PATJ: variants seen among roughly 807,000 people sequenced by gnomAD.
The protein encoded by PATJ is inaD-like protein.
Under a neutral mutation model 224.9 loss-of-function variants are expected in PATJ, and 190 were observed. The observed-to-expected ratio is 0.84, with a 90% confidence interval of 0.75 to 0.95. The LOEUF is 0.95. PATJ is among the 40% of genes least tolerant of loss of function. PATJ has a pLI of 0.00. For synonymous variants in PATJ, 769 were observed against 820.3 expected (o/e 0.94, Z 1.07); for missense variants, 2,121 against 2,270.3 (o/e 0.93, Z 1.34).
chr1:61,895,423 C>T (rs1001092288), intron 22 of PATJ, among the ~76,000 whole-genome samples: 6 of 152,254 alleles, frequency 3.9e-5, no homozygotes, highest in South Asian at 2.1e-4. Flanking sequence ...GGCCCTGCTA[C>T]TCTCTGCAGC....
intron 27 of PATJ, among the ~76,000 whole-genome samples, chr1:61,938,381 T>TA (rs199684165): frequency 1.3e-4 from 20 of 148,730 alleles, no homozygotes; most frequent in Non-Finnish European, 1.3e-4. Flanking sequence ...GTGGGGTGTT[T>TA]AAAAAAAAAA....
chr1:61,924,119 C>G (rs1436357306), intron 26 of PATJ, among the ~76,000 whole-genome samples: 1 of 151,898 alleles, frequency 6.6e-6, no homozygotes, highest in Admixed American at 6.6e-5. Flanking sequence ...GCCTGTAATC[C>G]CAGCACTTTG....
chr1:61,815,307 A>T (rs775753990), intron 14 of PATJ, among the ~76,000 whole-genome samples: 3 of 152,192 alleles, frequency 2.0e-5, no homozygotes, highest in Non-Finnish European at 4.4e-5. Context: ...TTGTTAAATG[A>T]TGCTGCAGAG....
chr1:62,016,402 A>C (rs943623720), intron 28 of PATJ, among the ~76,000 whole-genome samples: 4 of 152,234 alleles, frequency 2.6e-5, no homozygotes, highest in Non-Finnish European at 4.4e-5. Context: ...TTAGATGCTA[A>C]TTGCAATTCC....
intron 24 of PATJ, among the ~76,000 whole-genome samples, chr1:61,904,469 G>T (rs1308658097): frequency 6.6e-6 from 1 of 152,154 alleles, no homozygotes; most frequent in Non-Finnish European, 1.5e-5. Flanking sequence ...ATTGATTTGT[G>T]TGTGTGTTTG....
intron 31 of PATJ, among the ~76,000 whole-genome samples, chr1:62,061,011 T>C (rs954813886): frequency 4.0e-5 from 6 of 151,288 alleles, no homozygotes; most frequent in African/African-American, 1.5e-4. Flanking sequence ...TTATTTTAGA[T>C]ACAGGGGGTA....
chr1:61,773,997 G>A (rs555050300), intron 6 of PATJ, among the ~76,000 whole-genome samples: 5 of 151,458 alleles, frequency 3.3e-5, no homozygotes, highest in African/African-American at 1.2e-4. Flanking sequence ...GCAGGTACCT[G>A]TAGTCCCAGC....
chr1:61,797,617 A>G (rs1374707028), intron 11 of PATJ, among the ~76,000 whole-genome samples, 189 bp downstream of exon 11: 2 of 152,186 alleles, frequency 1.3e-5, no homozygotes, highest in Non-Finnish European at 2.9e-5. Context: ...GTCAGTCAGA[A>G]TGGTAGGATG....
At chr1:62,110,459 T>C (rs1663664935) in intron 34 of PATJ, among the ~76,000 whole-genome samples, 1 of 152,224 alleles carries the variant, frequency 6.6e-6, no homozygotes, top group Admixed American at 6.5e-5. Flanking sequence ...TCCTCCGCAT[T>C]CCGCAAATTG....
At chr1:61,849,373 A>C (rs1662462410) in intron 17 of PATJ, among the ~76,000 whole-genome samples, 2 of 152,158 alleles carry the variant, frequency 1.3e-5, no homozygotes, top group South Asian at 4.1e-4. Context: ...AGGTGGGAGG[A>C]TCCCTTAGCC....
chr1:61,791,495 A>G (rs1333166276), intron 9 of PATJ, 48 bp downstream of exon 9: 1 of 1,211,698 alleles, frequency 8.3e-7, no homozygotes, highest in South Asian at 1.3e-5. Flanking sequence ...AAAGGATGTT[A>G]AGGTTTCTAG....
chr1:61,884,174 G>A (rs1668482027), intron 21 of PATJ, 63 bp from the exon 22 acceptor site: 1 of 1,328,444 alleles, frequency 7.5e-7, no homozygotes, highest in Admixed American at 2.4e-5. Context: ...ATACCTAGTT[G>A]TTGAATGACT....
intron 41 of PATJ, among the ~76,000 whole-genome samples, chr1:62,139,323 C>G (rs988500193): frequency 7.0e-6 from 1 of 143,200 alleles, no homozygotes; most frequent in Non-Finnish European, 1.5e-5. Flanking sequence ...TTGCCTGAAT[C>G]CGGGAGGCAG....
intron 26 of PATJ, 38 bp downstream of exon 26, chr1:61,914,702 G>A (rs920304022): frequency 7.3e-7 from 1 of 1,370,088 alleles, no homozygotes; most frequent in African/African-American, 1.4e-5. Context: ...AAATGTTTTT[G>A]TTTTGTTTTT....
chr1:61,819,989 T>C (rs1025035721), intron 14 of PATJ, among the ~76,000 whole-genome samples: 1 of 152,168 alleles, frequency 6.6e-6, no homozygotes, highest in Non-Finnish European at 1.5e-5. Flanking sequence ...AAGTGATGCA[T>C]TTTGAGTACT....
chr1:61,831,060 A>T (rs544607824), intron 16 of PATJ, among the ~76,000 whole-genome samples: 4 of 151,620 alleles, frequency 2.6e-5, no homozygotes, highest in African/African-American at 9.7e-5. Flanking sequence ...GGTGGCGGGT[A>T]CCTGTAGTCC....
rs1369883579 is a variant in PATJ at position 62,123,111 on chromosome 1, C to G, written c.5043+53C>G. On this transcript the variant is annotated intron_variant, in intron 39 of 43. Transcript: ENST00000642238. ...TTTTCTGGTTTGTGTTGGATTTGCA[C>G]TAAATGTACATTTTCCCCAATACAG... is the stretch of plus-strand genomic sequence containing the variant. 4.0e-6 allele frequency: 5 copies of G among 1,264,850 alleles called. No individual in the cohort carries two copies. In the African/African-American group the frequency reaches 4.5e-5, roughly 11 times the overall value. The allele number at this position is 1,264,850 out of a possible 1,614,324, so 78.4% of individuals were successfully genotyped here.
At chr1:62,141,032 TGGAGAGTGAAGTACCCC>T (rs1312069315) in intron 41 of PATJ, among the ~76,000 whole-genome samples, 2 of 151,994 alleles carry the variant, frequency 1.3e-5, no homozygotes, top group African/African-American at 2.4e-5. Flanking sequence ...TGCAGTACCC[TGGAGAGTGAAGTACCCC>T]GGAGAGTGAA....
intron 14 of PATJ, among the ~76,000 whole-genome samples, chr1:61,815,547 G>C (rs1027744355): frequency 1.3e-5 from 2 of 152,060 alleles, no homozygotes; most frequent in Non-Finnish European, 2.9e-5. Context: ...ACTCTTGAAG[G>C]GATGATTCCA....
Sources: allele counts gnomAD v4.1 joint callset (sites outside exome capture counted in the v4.1 genomes callset), GRCh38; gene constraint gnomAD v4.1.1; transcripts MANE v1.5; gene names NCBI Gene and HGNC (gene_info 2026-07-23, HGNC 2026-07-21).